The following CGRRF1 variants were observed in gnomAD, a reference collection of about 807,000 sequenced individuals.
CGRRF1 encodes the protein cell growth regulator with ring finger domain 1.
Under a neutral mutation model 37.2 loss-of-function variants are expected in CGRRF1, and 32 were observed. The observed-to-expected ratio is 0.86, with a 90% CI of 0.65 to 1.16. CGRRF1 has a LOEUF of 1.16. Ranked by LOEUF, CGRRF1 falls within the 50% of genes most tolerant of loss-of-function variation. CGRRF1 has a pLI of 0.00. For synonymous variants in CGRRF1, 141 were observed against 140.3 expected (o/e 1.00, Z -0.04); for missense variants, 391 against 382.6 (o/e 1.02, Z -0.18).
chr14:54,518,215 AGTT>A (rs2032248909), intron 1 of CGRRF1, among the ~76,000 whole-genome samples: 1 of 152,166 alleles, frequency 6.6e-6, no homozygotes, highest in African/African-American at 2.4e-5. Context: ...CTTCCACAAT[AGTT>A]GAACTAATTT....
In CGRRF1 at chr14:54,522,609, C is replaced by T; in HGVS notation, c.244+16C>T. 6.4e-7 allele frequency: 1 copy of T among 1,574,600 alleles called. No individual in the cohort carries two copies. The highest frequency in any genetic ancestry group is 8.6e-7 in the Non-Finnish European group (1 of 1,166,148). On this transcript the variant is annotated intron_variant, in intron 2 of 5. Coordinates refer to ENST00000216420, the MANE Select transcript of CGRRF1 (RefSeq NM_006568.3). ...TCAATTACAAGTTGGTGGCTGTTTT[C>T]CAAAGATTTTCTCTCATTGTTTGCC...
At chr14:54,531,203 A>G in intron 4 of CGRRF1, 153 bp downstream of exon 4, 1 of 597,676 alleles carries the variant, frequency 1.7e-6, no homozygotes, top group Non-Finnish European at 2.9e-6. Flanking sequence ...TATATGTGAA[A>G]CAGTACCTTC....
chr14:54,520,032 A>G (rs760562183), intron 1 of CGRRF1, among the ~76,000 whole-genome samples: 1 of 152,158 alleles, frequency 6.6e-6, no homozygotes, highest in Admixed American at 6.5e-5. Context: ...CATATTACTG[A>G]TTAGAGTTCA....
chr14:54,538,021 GTTAT>G (rs1034855649), intron 5 of CGRRF1, 38 bp from the exon 6 acceptor site: 2 of 1,480,686 alleles, frequency 1.4e-6, no homozygotes, highest in Non-Finnish European at 1.8e-6. Context: ...AAGAGTAATT[GTTAT>G]TTATAATAAT....
At chr14:54,531,153 G>A in intron 4 of CGRRF1, 103 bp downstream of exon 4, 1 of 975,642 alleles carries the variant, frequency 1.0e-6, no homozygotes, top group Non-Finnish European at 1.5e-6. Context: ...TTCTGAGGAT[G>A]TGCATTTGGC....
Position 54,519,411 on chromosome 14 carries a change from ATT to A in CGRRF1, c.105-3025_105-3024del, listed in dbSNP as rs1217283462. Among the ~76,000 whole-genome samples the A allele has an allele frequency of 2.8e-4, 34 of 121,568 alleles. No homozygotes were observed. The East Asian group carries it at 5.6e-3, about 20-fold the overall frequency. The allele number at this position is 121,568 out of a possible 152,430, so 79.8% of individuals were successfully genotyped here. On this transcript the variant is annotated intron_variant, in intron 1 of 5. Coordinates refer to ENST00000216420, the MANE Select transcript of CGRRF1 (RefSeq NM_006568.3). ...CACCACCATGCCCAACTAATTTTCC[ATT>A]TTTTTTTTTTTTTTTTTGTAGAGAT...
chr14:54,538,931 A>C lies in CGRRF1; in HGVS notation c.*548A>C, dbSNP rs939926945. 2 of 152,476 alleles carry C rather than the reference A, an allele frequency of 1.3e-5. No homozygotes were observed. Among genetic ancestry groups the C allele is most frequent in the African/African-American group, 4.8e-5 (2 of 41,580 alleles). 9.4% of individuals were successfully genotyped at this position (152,476 alleles called of 1,614,324 possible). ...TTACGTAAATACAGGTCATAGTTTTAAATATAGGTTCTTAAATCATAAATA... is the reference window on the plus strand; with the variant it reads ...TTACGTAAATACAGGTCATAGTTTTCAATATAGGTTCTTAAATCATAAATA... On this transcript the variant is annotated 3_prime_UTR_variant, in exon 6 of 6. Coordinates refer to ENST00000216420, the MANE Select transcript of CGRRF1 (RefSeq NM_006568.3).
intron 1 of CGRRF1, among the ~76,000 whole-genome samples, chr14:54,518,649 G>A (rs767448084): frequency 4.6e-5 from 7 of 151,830 alleles, no homozygotes; most frequent in Admixed American, 6.6e-5. Context: ...TATGACTGGC[G>A]TGAAATGGTA....
At chr14:54,531,504 T>A (rs1348487964) in intron 4 of CGRRF1, among the ~76,000 whole-genome samples, 1 of 152,164 alleles carries the variant, frequency 6.6e-6, no homozygotes, top group South Asian at 2.1e-4. Flanking sequence ...AACAGTCTGT[T>A]GGGAAGCATG....
chr14:54,512,841 A>G (rs1424800445), intron 1 of CGRRF1, among the ~76,000 whole-genome samples: 1 of 152,186 alleles, frequency 6.6e-6, no homozygotes, highest in Non-Finnish European at 1.5e-5. Flanking sequence ...CCTGAGCTCC[A>G]TAGAGTCTCT....
chr14:54,532,016 G>C (rs919051787), intron 4 of CGRRF1, among the ~76,000 whole-genome samples: 1 of 152,062 alleles, frequency 6.6e-6, no homozygotes, highest in Non-Finnish European at 1.5e-5. Context: ...TGGTTTCTTA[G>C]GACAGGGCAA....
chr14:54,513,346 A>G (rs778786494), intron 1 of CGRRF1, among the ~76,000 whole-genome samples: 4 of 152,212 alleles, frequency 2.6e-5, no homozygotes, highest in Non-Finnish European at 5.9e-5. Context: ...AAAGCGCTTG[A>G]CTGTTAATGG....
rs1263523510 is a variant in CGRRF1, at chr14:54,522,554, G to A, written c.205G>A (p.Gly69Ser). The change falls in exon 2 of 6, where the codon GGC (glycine) becomes AGC (serine). Residue 69 changes from glycine to serine, a missense_variant. Coordinates refer to ENST00000216420, the MANE Select transcript of CGRRF1 (RefSeq NM_006568.3). The stretch of plus-strand genomic sequence containing the variant: ...AATGAGACAAGTCAAGAATCCTTTT[G>A]GCTTAGAGATCACTAATCCATCTTC... ...KQMRQVKNPFGLEITNPSSAS... is the reference protein window; with the variant it reads ...KQMRQVKNPFSLEITNPSSAS... The A allele has an allele frequency of 1.2e-6, 2 of 1,601,862 alleles. No individual in the cohort carries two copies. Among genetic ancestry groups the A allele is most frequent in the Non-Finnish European group, 1.7e-6 (2 of 1,175,798 alleles).
At chr14:54,519,131 A>T (rs1251247243) in intron 1 of CGRRF1, among the ~76,000 whole-genome samples, 4 of 150,880 alleles carry the variant, frequency 2.7e-5, no homozygotes, top group African/African-American at 9.8e-5. Context: ...TTTTTAGTAG[A>T]GACGGGGTTT....
At position 54,510,064 on chromosome 14, in the gene CGRRF1, G is replaced by T. The variant is rs1032040048; in HGVS notation, c.104+1G>T. On this transcript the variant is annotated splice_donor_variant, in intron 1 of 5. Coordinates refer to ENST00000216420, the MANE Select transcript of CGRRF1 (RefSeq NM_006568.3). LOFTEE classifies it high-confidence loss of function. ...TGACCACCGGCCTGGTATTGGGATG[G>T]TAAGTGTCCCAGGGGTGAGAGACGA... The T allele has an allele frequency of 6.2e-7, 1 of 1,602,210 alleles. No homozygotes were observed. Among genetic ancestry groups the T allele is most frequent in the Admixed American group, 1.7e-5 (1 of 59,966 alleles).
intron 4 of CGRRF1, among the ~76,000 whole-genome samples, chr14:54,532,516 G>T (rs939481213): frequency 6.6e-6 from 1 of 152,020 alleles, no homozygotes; most frequent in African/African-American, 2.4e-5. Flanking sequence ...TGTGTAAGAT[G>T]ATGCGTAATT....
chr14:54,510,309 G>C, intron 1 of CGRRF1: 1 of 533,798 alleles, frequency 1.9e-6, no homozygotes, highest in Non-Finnish European at 3.4e-6. Flanking sequence ...CCGCATTGGG[G>C]TGTTTTACTC....
At chr14:54,530,477 T>C (rs1318200323) in intron 3 of CGRRF1, 1 of 1,053,002 alleles carries the variant, frequency 9.5e-7, no homozygotes. Flanking sequence ...TGCTAACTTA[T>C]TGATCATTTT....
intron 2 of CGRRF1, among the ~76,000 whole-genome samples, chr14:54,525,073 A>G (rs2140060733): frequency 6.6e-6 from 1 of 152,266 alleles, no homozygotes; most frequent in South Asian, 2.1e-4. Flanking sequence ...AATCAAGTGT[A>G]CAGCATAGTG....
Sources: gnomAD v4.1 joint callset for allele counts (sites outside exome capture counted in the v4.1 genomes callset) on GRCh38, gnomAD v4.1.1 for gene constraint, MANE v1.5 for transcripts, NCBI Gene and HGNC (gene_info 2026-07-23, HGNC 2026-07-21) for gene names.